The following ZBTB32 variants were observed in gnomAD, a reference collection of about 807,000 sequenced individuals.
ZBTB32 encodes zinc finger and BTB domain containing 32, also known as zinc finger and BTB domain-containing protein 32.
ZBTB32 carries 28 observed loss-of-function variants against 45.3 expected under a neutral mutation model. The ratio of observed to expected loss-of-function variants is 0.62; its 90% CI spans 0.46 to 0.85. ZBTB32 has a LOEUF of 0.85. Ranked by LOEUF, ZBTB32 falls within the 40% of genes least tolerant of loss-of-function variation. The pLI, the probability that ZBTB32 is intolerant of heterozygous loss-of-function variation, is 0.00. For missense variants in ZBTB32, 587 were observed against 624.4 expected (o/e 0.94, Z 0.64); for synonymous variants, 283 against 255.7 (o/e 1.11, Z -1.02).
At chr19:35,710,267 T>A (rs1007390668) in intron 1 of ZBTB32, among the ~76,000 whole-genome samples, 3 of 152,056 alleles carry the variant, frequency 2.0e-5, no homozygotes, top group African/African-American at 7.2e-5. Flanking sequence ...TGATATCATA[T>A]TGCCTTTTAT....
Position 35,715,920 on chromosome 19 carries a change from C to A in ZBTB32, c.956-19C>A. 2 of 1,612,306 alleles carry A rather than the reference C, an allele frequency of 1.2e-6. No homozygotes were observed. Among genetic ancestry groups the A allele is most frequent in the Non-Finnish European group, 1.7e-6 (2 of 1,179,154 alleles). The stretch of plus-strand genomic sequence containing the variant: ...AGTCCAGCCTGAGCAGGGCCCCTAC[C>A]TCCCACTGTTCCTTCCAGGTTCCCT... On this transcript the variant is annotated intron_variant, in intron 4 of 6. Transcript: ENST00000392197.
In ZBTB32 at chr19:35,716,148, G is replaced by A; in HGVS notation, c.1040G>A (p.Cys347Tyr). The change falls in exon 6 of 7, where the codon TGT becomes TAT. Residue 347 changes from cysteine to tyrosine, a missense_variant. Cys to Tyr is a radical substitution (Grantham distance 194, BLOSUM62 -2). Transcript: ENST00000392197. Reference protein sequence around the residue: ...DQGHTGALATCAGHEDKAGCP... With the variant: ...DQGHTGALATYAGHEDKAGCP... ...GTCCCCACAGGCGCACTTGCAACCTGTGCGGGTCATGAGGACAAGGCAGGC... is the reference window on the plus strand; with the variant it reads ...GTCCCCACAGGCGCACTTGCAACCTATGCGGGTCATGAGGACAAGGCAGGC... 1.2e-6 allele frequency: 2 copies of A among 1,613,806 alleles called. No homozygotes were observed. The highest frequency in any genetic ancestry group is 2.2e-5 in the South Asian group (2 of 91,024).
chr19:35,708,377 G>A (rs556213693), intron 1 of ZBTB32, among the ~76,000 whole-genome samples: 1 of 152,296 alleles, frequency 6.6e-6, no homozygotes, highest in African/African-American at 2.4e-5. Flanking sequence ...GTTCCGGGTA[G>A]GCACTTTCTA....
rs1367234049 is a variant in ZBTB32 at position 35,715,845 on chromosome 19, G to A, written c.955+15G>A. ...CCCTACCCCAGGTAAGCCCCTCGCT[G>A]TCCTGCATACACCTGTAACATGGTG... On this transcript the variant is annotated intron_variant, in intron 4 of 6. Transcript: ENST00000392197. The A allele has an allele frequency of 6.2e-7, 1 of 1,613,442 alleles. No individual in the cohort carries two copies. The highest frequency in any genetic ancestry group is 8.5e-7 in the Non-Finnish European group (1 of 1,179,664).
chr19:35,707,866 C>T (rs1968587547), intron 1 of ZBTB32, among the ~76,000 whole-genome samples: 1 of 152,074 alleles, frequency 6.6e-6, no homozygotes, highest in Non-Finnish European at 1.5e-5. Flanking sequence ...CCTGTAGTCC[C>T]AGCTACTCAG....
intron 6 of ZBTB32, 64 bp from the exon 7 acceptor site, chr19:35,716,414 T>G: frequency 1.9e-6 from 3 of 1,585,638 alleles, no homozygotes; most frequent in Non-Finnish European, 2.6e-6. Context: ...GATCCACCCC[T>G]AACTTGGCCA....
chr19:35,715,518 G>A lies in ZBTB32; in HGVS notation c.881+11G>A, dbSNP rs768320748. The A allele has an allele frequency of 1.3e-6, 2 of 1,528,724 alleles. No homozygotes were observed. The highest frequency in any genetic ancestry group is 4.5e-5 in the East Asian group (2 of 44,270). 94.7% of individuals were successfully genotyped at this position (1,528,724 alleles called of 1,614,324 possible). On this transcript the variant is annotated intron_variant, in intron 3 of 6. Transcript: ENST00000392197. ...CTGGCGGGAACAGAGGTGAGTGGCGGGGTCTAGTGCTCTGCCTCCAGGCTG... is the reference window on the plus strand; with the variant it reads ...CTGGCGGGAACAGAGGTGAGTGGCGAGGTCTAGTGCTCTGCCTCCAGGCTG...
chr19:35,715,462 G>A lies in ZBTB32; in HGVS notation c.836G>A (p.Ser279Asn). 6.4e-7 allele frequency: 1 copy of A among 1,574,060 alleles called. No individual in the cohort carries two copies. Among genetic ancestry groups the A allele is most frequent in the Non-Finnish European group, 8.6e-7 (1 of 1,161,206 alleles). The change falls in exon 3 of 7, where the codon AGC becomes AAC. Residue 279 changes from serine to asparagine, a missense_variant. Physicochemically the swap from Ser to Asn is conservative, Grantham distance 46 (BLOSUM62 1). Transcript: ENST00000392197. ...AGATATGGCATTCCCTTCTACCATA[G>A]CACCCCCACCACTGGAGCCTGGCAG... ...PPRYGIPFYH[S>N]TPTTGAWQEV...
chr19:35,709,922 G>A (rs1021742241), intron 1 of ZBTB32, among the ~76,000 whole-genome samples: 2 of 151,052 alleles, frequency 1.3e-5, no homozygotes, highest in Non-Finnish European at 2.9e-5. Context: ...AGTAATACGA[G>A]TATTAGGCCG....
chr19:35,714,692 C>T lies in ZBTB32; in HGVS notation c.66C>T (p.Ala22=), dbSNP rs1968803180. ...CTGATCGGCTGGTACAGCTAGCAGC[C>T]AGGCTCCGGCCAGCACTCTGTGATA... ...YGSDRLVQLA[A]RLRPALCDTL... is the part of the protein sequence containing the mutation. The change falls in exon 3 of 7, where the codon GCC becomes GCT. Residue 22 remains alanine, a synonymous_variant. Coordinates refer to ENST00000392197, the MANE Select transcript of ZBTB32 (RefSeq NM_014383.3). 17 of 1,607,212 alleles carry T rather than the reference C, an allele frequency of 1.1e-5. No individual in the cohort carries two copies. The highest frequency in any genetic ancestry group is 1.4e-5 in the Non-Finnish European group (17 of 1,175,370).
Position 35,715,477 on chromosome 19 carries a change from G to C in ZBTB32, c.851G>C (p.Gly284Ala), listed in dbSNP as rs1208059062. The change falls in exon 3 of 7, where the codon GGA becomes GCA. Residue 284 changes from glycine (G) to alanine (A), a missense_variant. Physicochemically the swap from Gly to Ala is moderately conservative, Grantham distance 60. Coordinates refer to ENST00000392197, the MANE Select transcript of ZBTB32 (RefSeq NM_014383.3). ...TTCTACCATAGCACCCCCACCACTGGAGCCTGGCAGGAGGTCTGGCGGGAA... is the reference window on the plus strand; with the variant it reads ...TTCTACCATAGCACCCCCACCACTGCAGCCTGGCAGGAGGTCTGGCGGGAA... ...IPFYHSTPTT[G>A]AWQEVWREQR... 1 of 1,556,278 alleles carries C rather than the reference G, an allele frequency of 6.4e-7. No individual in the cohort carries two copies. Among genetic ancestry groups the C allele is most frequent in the East Asian group, 2.3e-5 (1 of 44,440 alleles).
chr19:35,715,432 C>A lies in ZBTB32; in HGVS notation c.806C>A (p.Pro269Gln). 6.3e-7 allele frequency: 1 copy of A among 1,597,036 alleles called. No homozygotes were observed. The highest frequency in any genetic ancestry group is 8.5e-7 in the Non-Finnish European group (1 of 1,174,200). Residue 269 changes from proline (P) to glutamine (Q), a missense_variant, in exon 3 of 7, where the codon CCG becomes CAG. Coordinates refer to ENST00000392197, the MANE Select transcript of ZBTB32 (RefSeq NM_014383.3). ...QPALWSILLMPPRYGIPFYHS... is the reference protein window; with the variant it reads ...QPALWSILLMQPRYGIPFYHS... ...GCCCTGTGGAGCATCCTGCTGATGC[C>A]GCCCAGATATGGCATTCCCTTCTAC...
chr19:35,716,920 G>C lies in ZBTB32; in HGVS notation c.*168G>C. 1.4e-6 allele frequency: 1 copy of C among 729,598 alleles called. No homozygotes were observed. Among genetic ancestry groups the C allele is most frequent in the Non-Finnish European group, 2.2e-6 (1 of 453,152 alleles). The allele number at this position is 729,598 out of a possible 1,614,324, so 45.2% of individuals were successfully genotyped here. ...TCCTGGACGATCGCGGGTCGCAGAA[G>C]CCCAGGCCAGCGAGCCCTACAGAGT... On this transcript the variant is annotated 3_prime_UTR_variant, in exon 7 of 7. Coordinates refer to ENST00000392197, the MANE Select transcript of ZBTB32 (RefSeq NM_014383.3).
intron 1 of ZBTB32, among the ~76,000 whole-genome samples, chr19:35,711,762 C>T (rs1000031603): frequency 2.6e-5 from 4 of 152,068 alleles, no homozygotes; most frequent in African/African-American, 9.7e-5. Flanking sequence ...TATGGGAGGC[C>T]GGGCGCAATC....
At chr19:35,705,518 C>A (rs1968517070) in intron 1 of ZBTB32, among the ~76,000 whole-genome samples, 1 of 152,116 alleles carries the variant, frequency 6.6e-6, no homozygotes, top group Non-Finnish European at 1.5e-5. Flanking sequence ...AGAGGTTAGG[C>A]CAGTAATCCT....
Position 35,716,865 on chromosome 19 carries a change from A to C in ZBTB32, c.*113A>C. 1 of 1,342,276 alleles carries C rather than the reference A, an allele frequency of 7.5e-7. No homozygotes were observed. The highest frequency in any genetic ancestry group is 2.4e-5 in the East Asian group (1 of 42,144). The allele number at this position is 1,342,276 out of a possible 1,614,324, so 83.1% of individuals were successfully genotyped here. ...GCGGCCTAGCAAATTCCGCCCCAGAAGCGCCCCAGGAAGGGCGCCGAGTGC... is the reference window on the plus strand; with the variant it reads ...GCGGCCTAGCAAATTCCGCCCCAGACGCGCCCCAGGAAGGGCGCCGAGTGC... On this transcript the variant is annotated 3_prime_UTR_variant, in exon 7 of 7. Coordinates refer to ENST00000392197, the MANE Select transcript of ZBTB32 (RefSeq NM_014383.3).
chr19:35,715,636 T>C, intron 3 of ZBTB32, 121 bp from the exon 4 acceptor site: 1 of 1,475,184 alleles, frequency 6.8e-7, no homozygotes, highest in South Asian at 1.3e-5. Flanking sequence ...GACAAGAAGC[T>C]GCTGCCACAG....
intron 1 of ZBTB32, among the ~76,000 whole-genome samples, chr19:35,709,477 T>C (rs917616779): frequency 2.6e-5 from 4 of 152,220 alleles, no homozygotes; most frequent in South Asian, 2.1e-4. Context: ...AAGTTCATGA[T>C]ACAAGGATTT....
Position 35,714,594 on chromosome 19 carries a change from A to T in ZBTB32, c.-33A>T. The T allele has an allele frequency of 6.7e-7, 1 of 1,494,874 alleles. No individual in the cohort carries two copies. Among genetic ancestry groups the T allele is most frequent in the South Asian group, 1.4e-5 (1 of 72,478 alleles). The allele number at this position is 1,494,874 out of a possible 1,614,324, so 92.6% of individuals were successfully genotyped here. A position where few individuals can be genotyped will look rare whatever the true frequency, so the allele number is the denominator to read the frequency against. On this transcript the variant is annotated 5_prime_UTR_variant, in exon 3 of 7. Coordinates refer to ENST00000392197, the MANE Select transcript of ZBTB32 (RefSeq NM_014383.3). ...CCTCACACTGTGGACTTCCTCTTAG[A>T]GCCTCTGAGTTAGGTACCCAAGCCA...
Sources: gnomAD v4.1 joint callset for allele counts (sites outside exome capture counted in the v4.1 genomes callset) on GRCh38, gnomAD v4.1.1 for gene constraint, MANE v1.5 for transcripts, NCBI Gene and HGNC (gene_info 2026-07-23, HGNC 2026-07-21) for gene names.